The following VEZF1 variants were observed in gnomAD, a reference collection of about 807,000 sequenced individuals.
VEZF1 encodes the protein putative transcription factor DB1.
In VEZF1, 5 loss-of-function variants were observed where a neutral mutation model predicts 44.1. The ratio of observed to expected loss-of-function variants is 0.11; its 90% CI spans 0.06 to 0.24. The LOEUF (loss-of-function observed/expected upper bound fraction) is 0.24, where lower values mean the gene tolerates loss of function less well. VEZF1 is among the 10% of genes least tolerant of loss of function. The pLI, the probability that VEZF1 is intolerant of heterozygous loss-of-function variation, is 1.00. For synonymous variants in VEZF1, 236 were observed against 233.1 expected, an observed-to-expected ratio of 1.01 and a Z score of -0.11; for missense variants, 358 against 641.8, an observed-to-expected ratio of 0.56 and a Z score of 4.78.
rs2075164639 is a variant in VEZF1 at position 57,974,101 on chromosome 17, A to C, written c.*372T>G. 4.7e-6 allele frequency: 1 copy of C among 214,662 alleles called. No individual in the cohort carries two copies. Among genetic ancestry groups the C allele is most frequent in the African/African-American group, 2.3e-5 (1 of 43,886 alleles). 13.3% of individuals were successfully genotyped at this position (214,662 alleles called of 1,614,324 possible). A position where few individuals can be genotyped will look rare whatever the true frequency, so the allele number is the denominator to read the frequency against. On this transcript the variant is annotated 3_prime_UTR_variant, in exon 6 of 6. Coordinates refer to ENST00000581208, the MANE Select transcript of VEZF1 (RefSeq NM_007146.3). Reference sequence around the variant, plus strand: ...GCCATCCACCTTGTATAGGGAGAAGAGTTCTGCTAGTGTTTACAATAAAGT... The same window carrying C: ...GCCATCCACCTTGTATAGGGAGAAGCGTTCTGCTAGTGTTTACAATAAAGT...
chr17:57,983,425 A>G, intron 1 of VEZF1, 32 bp from the exon 2 acceptor site: 1 of 1,553,858 alleles, frequency 6.4e-7, no homozygotes. Flanking sequence ...TCAGAAACTC[A>G]GCCTCTCACA....
chr17:57,982,732 T>C lies in VEZF1; in HGVS notation c.695A>G (p.Tyr232Cys). 2 of 1,613,820 alleles carry C rather than the reference T, an allele frequency of 1.2e-6. No individual in the cohort carries two copies. Among genetic ancestry groups the C allele is most frequent in the Non-Finnish European group, 1.7e-6 (2 of 1,179,852 alleles). ...RSHEGGITKP[Y>C]TCSVCGKGFS... The stretch of plus-strand genomic sequence containing the variant: ...GCCTTTCCCACAAACACTGCAAGTA[T>C]AGGGTTTGGTGATGCCTCCTTCATG... The change falls in exon 2 of 6, where the codon TAT becomes TGT. Residue 232 changes from tyrosine to cysteine, a missense_variant. By Grantham distance (194) the Tyr-to-Cys change is radical. This residue lies in a region of VEZF1 where 48 missense variants were observed against 144.9 expected (regional missense o/e 0.33). Transcript: ENST00000581208.
At chr17:57,985,594 C>A in intron 1 of VEZF1, 1 of 303,938 alleles carries the variant, frequency 3.3e-6, no homozygotes. Flanking sequence ...AATTTTATAT[C>A]CCATCTCTTT....
rs183291945 is a variant in VEZF1 at position 57,982,569 on chromosome 17, A to C, written c.728+130T>G. The C allele has an allele frequency of 2.3e-3, 2,001 of 871,284 alleles. 40 individuals carry two copies. Among genetic ancestry groups the C allele is most frequent in the Non-Finnish European group, 2.6e-4 (151 of 582,686 alleles). The allele number at this position is 871,284 out of a possible 1,614,324, so 54.0% of individuals were successfully genotyped here. A position where few individuals can be genotyped will look rare whatever the true frequency, so the allele number is the denominator to read the frequency against. On this transcript the variant is annotated intron_variant, in intron 2 of 5. Coordinates refer to ENST00000581208, the MANE Select transcript of VEZF1 (RefSeq NM_007146.3). ...CTGGAGGTGTTAATACTTATCTATCACCAATCTCCTCTAATAACACAGGTC... is the reference window on the plus strand; with the variant it reads ...CTGGAGGTGTTAATACTTATCTATCCCCAATCTCCTCTAATAACACAGGTC...
intron 5 of VEZF1, 118 bp downstream of exon 5, chr17:57,979,034 T>G: frequency 7.5e-7 from 1 of 1,330,136 alleles, no homozygotes; most frequent in Non-Finnish European, 1.0e-6. Flanking sequence ...ATGCACTATT[T>G]CCATGTTTCC....
chr17:57,980,798 AG>A lies in VEZF1; in HGVS notation c.793-13del. ...GCAGCAGTGCACGTCTGCATGAGGG[AG>A]GAAAACTTTTTTTAAATATAGACTA... On this transcript the variant is annotated splice_polypyrimidine_tract_variant and intron_variant, in intron 3 of 5. Coordinates refer to ENST00000581208, the MANE Select transcript of VEZF1 (RefSeq NM_007146.3). The A allele has an allele frequency of 6.2e-7, 1 of 1,613,950 alleles. No individual in the cohort carries two copies. The highest frequency in any genetic ancestry group is 8.5e-7 in the Non-Finnish European group (1 of 1,179,910).
chr17:57,982,767 A>G lies in VEZF1; in HGVS notation c.660T>C (p.His220=), dbSNP rs2075261842. ...RFKRKDRMTY[H]VRSHEGGITK... is the part of the protein sequence containing the mutation. ...TGATGCCTCCTTCATGAGACCTCAC[A>G]TGGTAAGTCATCCGGTCCTTCCTCT... is the stretch of plus-strand genomic sequence containing the variant. Residue 220 remains histidine, a synonymous_variant, in exon 2 of 6, where the codon CAT becomes CAC. Transcript: ENST00000581208. 2 of 1,614,240 alleles carry G rather than the reference A, an allele frequency of 1.2e-6. No individual in the cohort carries two copies. Among genetic ancestry groups the G allele is most frequent in the Non-Finnish European group, 1.7e-6 (2 of 1,180,036 alleles).
chr17:57,987,995 GGGA>G (rs1278982241), intron 1 of VEZF1, 81 bp downstream of exon 1: 8 of 187,784 alleles, frequency 4.3e-5, no homozygotes, highest in Admixed American at 1.9e-4. Context: ...CGGGAGGGAG[GGGA>G]GGAGGAGCGC....
chr17:57,984,665 CA>C (rs1346287561), intron 1 of VEZF1, among the ~76,000 whole-genome samples: 1 of 152,008 alleles, frequency 6.6e-6, no homozygotes, highest in Non-Finnish European at 1.5e-5. Flanking sequence ...AACTTAAGGA[CA>C]AAAAAACAAA....
chr17:57,978,045 A>G (rs2075209441), intron 5 of VEZF1, among the ~76,000 whole-genome samples: 2 of 151,974 alleles, frequency 1.3e-5, no homozygotes, highest in South Asian at 2.1e-4. Context: ...TCTAGTAAAA[A>G]TACAAAAATT....
At chr17:57,977,571 C>T (rs1381423398) in intron 5 of VEZF1, among the ~76,000 whole-genome samples, 2 of 152,082 alleles carry the variant, frequency 1.3e-5, no homozygotes, top group East Asian at 1.9e-4. Context: ...TCGCCAGGGC[C>T]CAGTAGCTCA....
chr17:57,979,041 T>G, intron 5 of VEZF1, 111 bp downstream of exon 5: 4 of 1,375,698 alleles, frequency 2.9e-6, no homozygotes, highest in Non-Finnish European at 4.0e-6. Flanking sequence ...ATTTCCATGT[T>G]TCCATTAAGC....
rs976679933 is a variant in VEZF1, at chr17:57,980,484, C to A, written c.976+119G>T. The A allele has an allele frequency of 1.2e-4, 116 of 955,338 alleles. No homozygotes were observed. The African/African-American group carries it at 1.5e-3, about 12-fold the overall frequency. 59.2% of individuals were successfully genotyped at this position (955,338 alleles called of 1,614,324 possible). A position where few individuals can be genotyped will look rare whatever the true frequency, so the allele number is the denominator to read the frequency against. On this transcript the variant is annotated intron_variant, in intron 4 of 5. Coordinates refer to ENST00000581208, the MANE Select transcript of VEZF1 (RefSeq NM_007146.3). ...CTCTGTCCATTGTTGCCTGTTTGCA[C>A]ATGTTGGCAATAGGAGGAAACACGT...
At chr17:57,976,702 G>A (rs1220036515) in intron 5 of VEZF1, among the ~76,000 whole-genome samples, 2 of 151,838 alleles carry the variant, frequency 1.3e-5, no homozygotes, top group Admixed American at 6.6e-5. Flanking sequence ...AGAGATTCAC[G>A]CTACAAATGG....
intron 4 of VEZF1, among the ~76,000 whole-genome samples, chr17:57,980,000 A>C (rs1598046482): frequency 1.3e-5 from 2 of 151,748 alleles, no homozygotes; most frequent in South Asian, 4.1e-4. Context: ...AACAAAAAAA[A>C]CAGAAGTGAA....
At position 57,979,203 on chromosome 17, in the gene VEZF1, G is replaced by T; in HGVS notation, c.1087C>A (p.Gln363Lys). 1.2e-6 allele frequency: 2 copies of T among 1,613,728 alleles called. No homozygotes were observed. The highest frequency in any genetic ancestry group is 1.7e-6 in the Non-Finnish European group (2 of 1,179,994). The change falls in exon 5 of 6, where the codon CAA becomes AAA. Residue 363 changes from glutamine to lysine, a missense_variant. This residue lies in a region of VEZF1 where 171 missense variants were observed against 272.4 expected (regional missense o/e 0.63). Coordinates refer to ENST00000581208, the MANE Select transcript of VEZF1 (RefSeq NM_007146.3). ...TCCCACAGTCTCAGTGTTTCTACTT[G>T]CTTCCCTGGCCAGCTTGTCACATGT... ...QQHVTSWPGKQVETLRLWEEA... is the reference protein window; with the variant it reads ...QQHVTSWPGKKVETLRLWEEA...
chr17:57,974,518 G>A lies in VEZF1; in HGVS notation c.1521C>T (p.Ser507=). Residue 507 remains serine, a synonymous_variant, in exon 6 of 6, where the codon AGC becomes AGT. Transcript: ENST00000581208. ...PLNIAMRPVE[S]MPFLPQALPT... is the part of the protein sequence containing the mutation. ...GCAAAGCTTGGGGCAAGAAAGGCAT[G>A]CTCTCTACAGGTCTCATTGCTATAT... The A allele has an allele frequency of 1.9e-6, 3 of 1,614,160 alleles. No individual in the cohort carries two copies. The highest frequency in any genetic ancestry group is 2.5e-6 in the Non-Finnish European group (3 of 1,180,000).
chr17:57,982,098 T>C (rs999062999), intron 2 of VEZF1, among the ~76,000 whole-genome samples, 162 bp from the exon 3 acceptor site: 4 of 152,226 alleles, frequency 2.6e-5, no homozygotes, highest in Non-Finnish European at 1.5e-5. Flanking sequence ...TTCCCTCTCT[T>C]ACCATGAACA....
chr17:57,984,128 A>G lies in VEZF1; in HGVS notation c.34-735T>C, dbSNP rs145601475. On this transcript the variant is annotated intron_variant, in intron 1 of 5. Transcript: ENST00000581208. ...CAGCAACACTATCTGTTCAAATCCC[A>G]AACTCTCAAAGACAGACTAATGAGA... Among the ~76,000 whole-genome samples the G allele has an allele frequency of 1.8e-3, 278 of 152,340 alleles. 1 individual carries two copies. The highest frequency in any genetic ancestry group is 6.4e-3 in the African/African-American group (266 of 41,584).
Sources: gnomAD v4.1 joint callset for allele counts (sites outside exome capture counted in the v4.1 genomes callset) on GRCh38, gnomAD v4.1.1 for gene constraint, gnomAD v4.1.1 regional missense constraint, MANE v1.5 for transcripts, NCBI Gene and HGNC (gene_info 2026-07-23, HGNC 2026-07-21) for gene names.